The following ZNF518B variants were observed in gnomAD, a reference collection of about 807,000 sequenced individuals.
ZNF518B encodes the protein zinc finger protein 518B.
In ZNF518B, 23 loss-of-function variants were observed where a neutral mutation model predicts 56.3. The observed-to-expected ratio is 0.41, with a 90% CI of 0.29 to 0.58. ZNF518B has a LOEUF of 0.58. ZNF518B is among the 20% of genes least tolerant of loss of function. ZNF518B has a pLI of 0.32. For missense variants in ZNF518B, 1,460 were observed against 1,272.1 expected (o/e 1.15, Z -2.25); for synonymous variants, 529 against 465.9 (o/e 1.14, Z -1.74).
Position 10,442,517 on chromosome 4 carries a change from G to C in ZNF518B, c.*587C>G, listed in dbSNP as rs1164964901. ...TTGAAAACATTCTTTAAAATGGCCA[G>C]TAAAAGCAAAACTCTTTGTGCTATA... is the stretch of plus-strand genomic sequence containing the variant. On this transcript the variant is annotated 3_prime_UTR_variant, in exon 3 of 3. Coordinates refer to ENST00000326756, the MANE Select transcript of ZNF518B (RefSeq NM_053042.3). 1 of 152,178 alleles carries C rather than the reference G, an allele frequency of 6.6e-6. No individual in the cohort carries two copies. The highest frequency in any genetic ancestry group is 1.9e-4 in the East Asian group (1 of 5,194). The allele number at this position is 152,178 out of a possible 1,614,324, so 9.4% of individuals were successfully genotyped here. A position where few individuals can be genotyped will look rare whatever the true frequency, so the allele number is the denominator to read the frequency against.
In ZNF518B at chr4:10,445,335, C is replaced by T. The variant is rs752546067; in HGVS notation, c.994G>A (p.Val332Ile). Residue 332 changes from valine to isoleucine, a missense_variant, in exon 3 of 3, where the codon GTT becomes ATT. Coordinates refer to ENST00000326756, the MANE Select transcript of ZNF518B (RefSeq NM_053042.3). ...PVQPGMPLTVVAPAELVVPAN... is the reference protein window; with the variant it reads ...PVQPGMPLTVIAPAELVVPAN... ...GGGACAACTAGTTCTGCTGGTGCAA[C>T]AACTGTCAATGGCATACCTGGCTGA... is the stretch of plus-strand genomic sequence containing the variant. The T allele has an allele frequency of 1.4e-5, 23 of 1,614,130 alleles. No individual in the cohort carries two copies. The highest frequency in any genetic ancestry group is 1.9e-5 in the Non-Finnish European group (22 of 1,180,044).
At position 10,444,856 on chromosome 4, in the gene ZNF518B, T is replaced by A. The variant is rs776341487; in HGVS notation, c.1473A>T (p.Lys491Asn). 3 of 1,613,984 alleles carry A rather than the reference T, an allele frequency of 1.9e-6. No homozygotes were observed. The highest frequency in any genetic ancestry group is 3.3e-5 in the Admixed American group (2 of 59,984). The change falls in exon 3 of 3, where the codon AAA becomes AAT. Residue 491 changes from lysine to asparagine, a missense_variant. Transcript: ENST00000326756. ...LKGHSLASVF[K>N]NSVLRSLGAA... Reference sequence around the variant, plus strand: ...CTCCAAGACTACGTAAAACACTGTTTTTAAATACAGATGCTAGAGAATGAC... The same window carrying A: ...CTCCAAGACTACGTAAAACACTGTTATTAAATACAGATGCTAGAGAATGAC...
rs747764664 is a variant in ZNF518B at position 10,444,756 on chromosome 4, G to C, written c.1573C>G (p.Gln525Glu). 17 of 1,613,688 alleles carry C rather than the reference G, an allele frequency of 1.1e-5. No individual in the cohort carries two copies. The South Asian group carries it at 1.8e-4, about 17-fold the overall frequency. Residue 525 changes from glutamine (Q) to glutamate (E), a missense_variant, in exon 3 of 3, where the codon CAG (glutamine) becomes GAG (glutamate). Transcript: ENST00000326756. ...ESGRNLHSSS[Q>E]QLLPFAASPA... ...GATGCAGCAAATGGGAGTAACTGCT[G>C]TGAGCTACTGTGTAAATTTCTTCCA... is the stretch of plus-strand genomic sequence containing the variant.
At chr4:10,456,882 C>T (rs370582051) in intron 1 of ZNF518B, among the ~76,000 whole-genome samples, 1 of 152,044 alleles carries the variant, frequency 6.6e-6, no homozygotes. Flanking sequence ...ACGCTGGGGG[C>T]GGGGAGCGCA....
chr4:10,441,488 A>T lies in ZNF518B; in HGVS notation c.*1616T>A, dbSNP rs1714679726. The T allele has an allele frequency of 6.6e-6, 1 of 152,546 alleles. No individual in the cohort carries two copies. The highest frequency in any genetic ancestry group is 6.5e-5 in the Admixed American group (1 of 15,272). The allele number at this position is 152,546 out of a possible 1,614,324, so 9.4% of individuals were successfully genotyped here. A position where few individuals can be genotyped will look rare whatever the true frequency, so the allele number is the denominator to read the frequency against. Reference sequence around the variant, plus strand: ...TCTCCAATCGACTACCCAATAAACAATCACTGGTGTCTTTTTCAGGTGCAA... The same window carrying T: ...TCTCCAATCGACTACCCAATAAACATTCACTGGTGTCTTTTTCAGGTGCAA... On this transcript the variant is annotated 3_prime_UTR_variant, in exon 3 of 3. Transcript: ENST00000326756.
At chr4:10,452,617 G>C (rs1012944612) in intron 2 of ZNF518B, 1 of 152,182 alleles carries the variant, frequency 6.6e-6, no homozygotes, top group Non-Finnish European at 1.5e-5. Context: ...TGATGGGGAA[G>C]GCAGGACATC....
Position 10,445,592 on chromosome 4 carries a change from G to C in ZNF518B, c.737C>G (p.Ser246Cys). ...SKQNPELLKA[S>C]NPRTTFQNKW... ...ATTTTGAAATGTAGTCCGTGGATTG[G>C]AAGCTTTTAGAAGCTCTGGGTTTTG... Residue 246 changes from serine to cysteine, a missense_variant, in exon 3 of 3, where the codon TCC becomes TGC. By Grantham distance (112) the Ser-to-Cys change is moderately radical. Transcript: ENST00000326756. The C allele has an allele frequency of 6.2e-7, 1 of 1,614,148 alleles. No homozygotes were observed. Among genetic ancestry groups the C allele is most frequent in the Non-Finnish European group, 8.5e-7 (1 of 1,180,038 alleles).
Position 10,445,654 on chromosome 4 carries a change from A to C in ZNF518B, c.675T>G (p.Val225=), listed in dbSNP as rs1483554587. 3.7e-6 allele frequency: 6 copies of C among 1,614,112 alleles called. No homozygotes were observed. The East Asian group carries it at 1.3e-4, about 36-fold the overall frequency. ...CGGTTCTTTTTGGCTCCAGCTTGGC[A>C]ACAGCTTTGACTGGCCGTTTCGCAC... ...RAGAKRPVKA[V]AKLEPKRTGT... is the part of the protein sequence containing the mutation. Residue 225 remains valine, a synonymous_variant, in exon 3 of 3, where the codon GTT becomes GTG. Coordinates refer to ENST00000326756, the MANE Select transcript of ZNF518B (RefSeq NM_053042.3).
At position 10,456,960 on chromosome 4, in the gene ZNF518B, C is replaced by A. The variant is rs867379859; in HGVS notation, c.-396+357G>T. 1.5e-3 allele frequency among the ~76,000 whole-genome samples: 226 copies of A among 150,860 alleles called. 1 individual carries two copies. The highest frequency in any genetic ancestry group is 5.0e-3 in the African/African-American group (206 of 41,396). Reference sequence around the variant, plus strand: ...GCCACCCCCGCCTCGGTCGCCCCGGCGCGTCGGCCGAGTCCGCGGGGTCGC... The same window carrying A: ...GCCACCCCCGCCTCGGTCGCCCCGGAGCGTCGGCCGAGTCCGCGGGGTCGC... On this transcript the variant is annotated intron_variant, in intron 1 of 2. Coordinates refer to ENST00000326756, the MANE Select transcript of ZNF518B (RefSeq NM_053042.3).
At chr4:10,447,850 T>C (rs148963016) in intron 2 of ZNF518B, among the ~76,000 whole-genome samples, 10,765 of 152,146 alleles carry the variant, frequency 0.071, 427 homozygotes, top group Non-Finnish European at 0.097. Context: ...GGTTTCTCCA[T>C]GTTGGCCAGG....
At position 10,444,671 on chromosome 4, in the gene ZNF518B, A is replaced by G; in HGVS notation, c.1658T>C (p.Leu553Ser). The G allele has an allele frequency of 6.2e-7, 1 of 1,614,220 alleles. No individual in the cohort carries two copies. Among genetic ancestry groups the G allele is most frequent in the Non-Finnish European group, 8.5e-7 (1 of 1,180,042 alleles). Reference protein sequence around the residue: ...KGLLPVSENDLESTSKVNIPV... With the variant: ...KGLLPVSENDSESTSKVNIPV... ...AATATTGACTTTACTTGTAGATTCC[A>G]AGTCATTTTCACTTACAGGCAATAA... Residue 553 changes from leucine (L) to serine (S), a missense_variant, in exon 3 of 3, where the codon TTG (leucine) becomes TCG (serine). Transcript: ENST00000326756.
At chr4:10,455,727 G>C (rs1715498661) in intron 1 of ZNF518B, among the ~76,000 whole-genome samples, 1 of 152,088 alleles carries the variant, frequency 6.6e-6, no homozygotes, top group Non-Finnish European at 1.5e-5. Flanking sequence ...TTTTCAAATT[G>C]CATTTGCAAT....
Position 10,445,130 on chromosome 4 carries a change from G to T in ZNF518B, c.1199C>A (p.Ala400Glu), listed in dbSNP as rs1714930776. The T allele has an allele frequency of 6.2e-7, 1 of 1,614,054 alleles. No homozygotes were observed. The highest frequency in any genetic ancestry group is 8.5e-7 in the Non-Finnish European group (1 of 1,179,982). Residue 400 changes from alanine (A) to glutamate (E), a missense_variant, in exon 3 of 3, where the codon GCA (alanine) becomes GAA (glutamate). Ala to Glu is a moderately radical substitution (Grantham distance 107). Transcript: ENST00000326756. The part of the protein sequence containing the change: ...GSNEQEKVLS[A>E]EKTKSLTVDG... The stretch of plus-strand genomic sequence containing the variant: ...AACTGTCAGTGACTTTGTTTTTTCT[G>T]CAGAAAGTACTTTTTCTTGTTCATT...
At chr4:10,460,304 CAAAAA>C (rs1210892613), upstream of ZNF518B, among the ~76,000 whole-genome samples, 2 of 8,802 alleles carry the variant, frequency 2.3e-4, no homozygotes, top group African/African-American at 1.5e-3. Flanking sequence ...GACTCTGTCT[CAAAAA>C]AAAAAAAAAA....
Position 10,440,424 on chromosome 4 carries a change from T to C in ZNF518B, c.*2680A>G, listed in dbSNP as rs76978600. 0.019 allele frequency: 2,857 copies of C among 152,730 alleles called. 97 individuals are homozygous for C. Among genetic ancestry groups the C allele is most frequent in the Admixed American group, 0.092 (1,405 of 15,298 alleles). The allele number at this position is 152,730 out of a possible 1,614,324, so 9.5% of individuals were successfully genotyped here. ...TTTTATTGGCAGTATTAACAAAATGTAGTGATTGGAGGTCCTTCAAAATTA... is the reference window on the plus strand; with the variant it reads ...TTTTATTGGCAGTATTAACAAAATGCAGTGATTGGAGGTCCTTCAAAATTA... On this transcript the variant is annotated 3_prime_UTR_variant, in exon 3 of 3. Coordinates refer to ENST00000326756, the MANE Select transcript of ZNF518B (RefSeq NM_053042.3).
chr4:10,445,078 G>T lies in ZNF518B; in HGVS notation c.1251C>A (p.Gly417=). 1 of 1,614,162 alleles carries T rather than the reference G, an allele frequency of 6.2e-7. No homozygotes were observed. Among genetic ancestry groups the T allele is most frequent in the Non-Finnish European group, 8.5e-7 (1 of 1,180,032 alleles). ...TVDGNVGKLV[G]IDSFQPSVQK... ...GAACTGAAGGTTGAAAACTATCAAT[G>T]CCTACGAGTTTTCCAACATTCCCGT... Residue 417 remains glycine (G), a synonymous_variant, in exon 3 of 3, where the codon GGC becomes GGA. Transcript: ENST00000326756.
chr4:10,449,098 G>C (rs550574830), intron 2 of ZNF518B, among the ~76,000 whole-genome samples: 7 of 152,276 alleles, frequency 4.6e-5, no homozygotes, highest in Non-Finnish European at 1.0e-4. Context: ...CAGATAAAAC[G>C]GAAAAGCTGC....
chr4:10,446,605 A>G (rs994954022), intron 2 of ZNF518B, 66 bp from the exon 3 acceptor site: 2 of 342,890 alleles, frequency 5.8e-6, no homozygotes, highest in Non-Finnish European at 1.1e-5. Context: ...TAACAAACTT[A>G]TCCTATATTT....
rs1714641424 is a variant in ZNF518B, at chr4:10,440,848, A to G, written c.*2256T>C. 1 of 152,334 alleles carries G rather than the reference A, an allele frequency of 6.6e-6. No homozygotes were observed. The highest frequency in any genetic ancestry group is 2.1e-4 in the South Asian group (1 of 4,830). 9.4% of individuals were successfully genotyped at this position (152,334 alleles called of 1,614,324 possible). A position where few individuals can be genotyped will look rare whatever the true frequency, so the allele number is the denominator to read the frequency against. ...CTATGTGGTGAGGAATAGGAGATAA[A>G]AAAGTGGCAAACAAAACAAAACAAA... On this transcript the variant is annotated 3_prime_UTR_variant, in exon 3 of 3. Transcript: ENST00000326756.
Sources: allele counts gnomAD v4.1 joint callset (sites outside exome capture counted in the v4.1 genomes callset), GRCh38; gene constraint gnomAD v4.1.1; transcripts MANE v1.5; gene names NCBI Gene and HGNC (gene_info 2026-07-23, HGNC 2026-07-21).